Variants in LOC128462377 observed in about 807,000 individuals in gnomAD.
At chr16:89,342,254 G>A in the LOC128462377 span, among the ~76,000 whole-genome samples, 1 of 152,382 alleles carries the variant, frequency 6.6e-6, no homozygotes, top group South Asian at 2.1e-4. Context: ...AAGGTTCCAG[G>A]TGGAACATCA....
chr16:89,375,533 C>G, the LOC128462377 span, among the ~76,000 whole-genome samples: 1 of 151,952 alleles, frequency 6.6e-6, no homozygotes, highest in Admixed American at 6.6e-5. Flanking sequence ...GATCTTGGCT[C>G]GCTGCAACCT....
chr16:89,326,409 C>A, the LOC128462377 span, among the ~76,000 whole-genome samples: 2 of 151,212 alleles, frequency 1.3e-5, no homozygotes, highest in Non-Finnish European at 2.9e-5. Context: ...AAGGTGCACA[C>A]CACTCAGCAA....
At chr16:89,396,534 C>G in the LOC128462377 span, among the ~76,000 whole-genome samples, 1 of 152,062 alleles carries the variant, frequency 6.6e-6, no homozygotes, top group Non-Finnish European at 1.5e-5. Flanking sequence ...CATTTTCCCA[C>G]TAGATTTTTT....
chr16:89,372,375 G>A, the LOC128462377 span, among the ~76,000 whole-genome samples: 104 of 152,248 alleles, frequency 6.8e-4, no homozygotes, highest in Admixed American at 6.4e-3. Flanking sequence ...CCCGAGTCAC[G>A]GAGCCCCATG....
chr16:89,389,112 G>C, the LOC128462377 span, among the ~76,000 whole-genome samples: 1 of 152,154 alleles, frequency 6.6e-6, no homozygotes, highest in Non-Finnish European at 1.5e-5. Context: ...ACAGCCTCCA[G>C]GGCTCAGGCA....
At chr16:89,387,151 CA>C in the LOC128462377 span, among the ~76,000 whole-genome samples, 1 of 151,960 alleles carries the variant, frequency 6.6e-6, no homozygotes, top group South Asian at 2.1e-4. Context: ...ACACAGCCAC[CA>C]CCAAACAATG....
At chr16:89,376,622 G>A in the LOC128462377 span, among the ~76,000 whole-genome samples, 1 of 152,166 alleles carries the variant, frequency 6.6e-6, no homozygotes, top group Admixed American at 6.5e-5. Flanking sequence ...ATTTTTAGCA[G>A]AGACGAGGGT....
chr16:89,385,788 G>A, the LOC128462377 span, among the ~76,000 whole-genome samples: 1 of 152,250 alleles, frequency 6.6e-6, no homozygotes, highest in African/African-American at 2.4e-5. Flanking sequence ...GACCGTGCCA[G>A]AGCCTGCCTG....
the LOC128462377 span, among the ~76,000 whole-genome samples, chr16:89,327,872 A>G: frequency 3.1e-3 from 472 of 152,352 alleles, 1 homozygote; most frequent in African/African-American, 0.011. Context: ...TCCATAAAAG[A>G]AAAAACTGAT....
At chr16:89,417,676 C>A in the LOC128462377 span, among the ~76,000 whole-genome samples, 15 of 152,232 alleles carry the variant, frequency 9.9e-5, no homozygotes, top group African/African-American at 3.6e-4. Context: ...AGCACTATGC[C>A]CAGAAGCACA....
At chr16:89,359,389 C>T in the LOC128462377 span, among the ~76,000 whole-genome samples, 1 of 152,234 alleles carries the variant, frequency 6.6e-6, no homozygotes, top group Non-Finnish European at 1.5e-5. Flanking sequence ...CAGCCAGCTC[C>T]TGGAGCCAGC....
the LOC128462377 span, among the ~76,000 whole-genome samples, chr16:89,369,678 C>T: frequency 2.0e-5 from 3 of 152,294 alleles, no homozygotes; most frequent in East Asian, 5.8e-4. Context: ...TTTTAAGGTC[C>T]CGACTGTGGG....
chr16:89,340,819 A>G, the LOC128462377 span, among the ~76,000 whole-genome samples: 168 of 152,338 alleles, frequency 1.1e-3, 2 homozygotes, highest in Non-Finnish European at 1.9e-3. Context: ...GAAAATGTAC[A>G]GGTATGTGGA....
chr16:89,390,723 A>T, the LOC128462377 span, among the ~76,000 whole-genome samples: 1 of 152,204 alleles, frequency 6.6e-6, no homozygotes, highest in Non-Finnish European at 1.5e-5. Context: ...AGCACCCGTA[A>T]GTCCTGCAGA....
the LOC128462377 span, among the ~76,000 whole-genome samples, chr16:89,365,037 T>G: frequency 1.3e-5 from 2 of 152,194 alleles, no homozygotes; most frequent in African/African-American, 2.4e-5. Flanking sequence ...GAATTCTGTT[T>G]TATAGGTAAC....
chr16:89,410,680 T>C, the LOC128462377 span, among the ~76,000 whole-genome samples: 1 of 152,242 alleles, frequency 6.6e-6, no homozygotes, highest in African/African-American at 2.4e-5. Flanking sequence ...TCCTAATAAA[T>C]AAATCATCCA....
chr16:89,411,404 G>A, the LOC128462377 span, among the ~76,000 whole-genome samples: 2 of 152,236 alleles, frequency 1.3e-5, no homozygotes, highest in South Asian at 4.1e-4. Context: ...TTGCTGTCGA[G>A]ATGGTCTACA....
At chr16:89,322,533 A>G in the LOC128462377 span, among the ~76,000 whole-genome samples, 4,090 of 152,354 alleles carry the variant, frequency 0.027, 187 homozygotes, top group African/African-American at 0.094. Flanking sequence ...GGAAGTCAGC[A>G]GCAGGGTGGA....
the LOC128462377 span, among the ~76,000 whole-genome samples, chr16:89,404,313 T>A: frequency 6.6e-6 from 1 of 152,044 alleles, no homozygotes; most frequent in Non-Finnish European, 1.5e-5. Flanking sequence ...TCAACATCTG[T>A]GTAACTAAGG....
Sources: allele counts gnomAD v4.1 joint callset (sites outside exome capture counted in the v4.1 genomes callset), GRCh38; gene constraint gnomAD v4.1.1; transcripts MANE v1.5.